The following ECPAS variants were observed in gnomAD, a reference collection of about 807,000 sequenced individuals.
The protein encoded by ECPAS is proteasome adapter and scaffold protein ECM29.
A neutral mutation model predicts 255.1 loss-of-function variants in ECPAS; 70 were observed. That is an observed-to-expected ratio of 0.27 (90% confidence interval 0.23 to 0.33). ECPAS has a LOEUF of 0.33. Among genes scored for constraint, ECPAS ranks in the 10% least tolerant of loss-of-function variants. ECPAS has a pLI of 1.00. For missense variants in ECPAS, 1,817 were observed against 2,206.4 expected (o/e 0.82, Z 3.54); for synonymous variants, 784 against 775.0 (o/e 1.01, Z -0.19).
intron 24 of ECPAS, among the ~76,000 whole-genome samples, chr9:111,399,498 T>A (rs2098172447): frequency 6.6e-6 from 1 of 152,182 alleles, no homozygotes; most frequent in African/African-American, 2.4e-5. Flanking sequence ...GGTCACAGCA[T>A]CAGGCAGAAT....
intron 24 of ECPAS, among the ~76,000 whole-genome samples, chr9:111,398,449 A>G (rs1238615556): frequency 6.6e-6 from 1 of 152,180 alleles, no homozygotes; most frequent in Non-Finnish European, 1.5e-5. Flanking sequence ...ATTGCTGTAA[A>G]TAATCCAGAA....
chr9:111,484,251 C>G lies in ECPAS; in HGVS notation c.-218G>C. 1.3e-6 allele frequency: 2 copies of G among 1,485,266 alleles called. No individual in the cohort carries two copies. Among genetic ancestry groups the G allele is most frequent in the Non-Finnish European group, 1.8e-6 (2 of 1,122,558 alleles). The allele number at this position is 1,485,266 out of a possible 1,614,324, so 92.0% of individuals were successfully genotyped here. ...TCCGTGAGGGGCTGGGCCGAGCGGG[C>G]CCGGGCTGCCCTAGCGGCCGGGGGA... is the stretch of plus-strand genomic sequence containing the variant. On this transcript the variant is annotated 5_prime_UTR_variant, in exon 1 of 50. Coordinates refer to ENST00000684092, the MANE Select transcript of ECPAS (RefSeq NM_001364929.1).
At chr9:111,464,995 C>A (rs2098277682) in intron 2 of ECPAS, among the ~76,000 whole-genome samples, 2 of 151,088 alleles carry the variant, frequency 1.3e-5, no homozygotes, top group Admixed American at 6.6e-5. Flanking sequence ...ACCAGCCTGA[C>A]CAAAATGGAG....
At chr9:111,477,947 CT>C (rs1205326640) in intron 1 of ECPAS, among the ~76,000 whole-genome samples, 1 of 150,178 alleles carries the variant, frequency 6.7e-6, no homozygotes, top group Admixed American at 6.7e-5. Flanking sequence ...GTCACCCAGG[CT>C]AGAGTGCAGT....
Position 111,370,647 on chromosome 9 carries a change from G to C in ECPAS, c.4782-20C>G, listed in dbSNP as rs1317895031. 6.2e-7 allele frequency: 1 copy of C among 1,608,324 alleles called. No homozygotes were observed. Among genetic ancestry groups the C allele is most frequent in the African/African-American group, 1.3e-5 (1 of 74,968 alleles). ...TCTGCACTACAGGGTCCATACAAAAGCATCAGAAGTTAATAAAGGCTGCAG... is the reference window on the plus strand; with the variant it reads ...TCTGCACTACAGGGTCCATACAAAACCATCAGAAGTTAATAAAGGCTGCAG... On this transcript the variant is annotated intron_variant, in intron 44 of 49. Coordinates refer to ENST00000684092, the MANE Select transcript of ECPAS (RefSeq NM_001364929.1).
Position 111,390,083 on chromosome 9 carries a change from G to T in ECPAS, c.3180C>A (p.Tyr1060Ter). ...KTPDGQGLST[Y>*]KELCSLASDL... Reference sequence around the variant, plus strand: ...CACTTGCCAGAGAACAAAGTTCCTTGTAAGTAGAAAGGCCCTGACTTGGAA... The same window carrying T: ...CACTTGCCAGAGAACAAAGTTCCTTTTAAGTAGAAAGGCCCTGACTTGGAA... Residue 1060 changes from tyrosine to a stop codon, truncating the protein, a stop_gained, in exon 30 of 50, where the codon TAC becomes TAA. Transcript: ENST00000684092. LOFTEE classifies it high-confidence loss of function. The T allele has an allele frequency of 6.3e-7, 1 of 1,587,628 alleles. No individual in the cohort carries two copies. Among genetic ancestry groups the T allele is most frequent in the Non-Finnish European group, 8.6e-7 (1 of 1,161,134 alleles).
intron 7 of ECPAS, among the ~76,000 whole-genome samples, chr9:111,435,626 G>C (rs180966332): frequency 6.6e-6 from 1 of 151,880 alleles, no homozygotes; most frequent in Non-Finnish European, 1.5e-5. Context: ...CAAAGTACCC[G>C]GTACGGTGCC....
At chr9:111,453,604 G>C (rs570544389) in intron 2 of ECPAS, among the ~76,000 whole-genome samples, 13 of 152,280 alleles carry the variant, frequency 8.5e-5, no homozygotes, top group Admixed American at 3.3e-4. Context: ...CTTCACAGTA[G>C]AGAAAACTGT....
intron 2 of ECPAS, among the ~76,000 whole-genome samples, chr9:111,466,653 ACAC>A (rs1158565943): frequency 2.7e-5 from 4 of 150,092 alleles, no homozygotes; most frequent in Non-Finnish European, 4.5e-5. Context: ...ACACACACAC[ACAC>A]GTTTTTATTT....
At position 111,368,200 on chromosome 9, in the gene ECPAS, G is replaced by A. The variant is rs753101198; in HGVS notation, c.5113+835C>T. ...ATCCCAAGGTTAAGGCCCTGTCAGG[G>A]GACTCCAAACTAACTGCAACCTCAT... On this transcript the variant is annotated intron_variant, in intron 46 of 49. Transcript: ENST00000684092. 3.3e-4 allele frequency among the ~76,000 whole-genome samples: 50 copies of A among 152,144 alleles called. No homozygotes were observed. The Middle Eastern group carries it at 0.01, about 31-fold the overall frequency.
chr9:111,448,279 T>A (rs1294228755), intron 3 of ECPAS, among the ~76,000 whole-genome samples: 1 of 151,982 alleles, frequency 6.6e-6, no homozygotes, highest in Non-Finnish European at 1.5e-5. Flanking sequence ...TACTAAGAGA[T>A]ACAGACAAAG....
At chr9:111,483,559 G>T in intron 1 of ECPAS, 2 of 506,324 alleles carry the variant, frequency 4.0e-6, no homozygotes, top group Non-Finnish European at 5.1e-6. Flanking sequence ...GCCGGGGAGG[G>T]AACGAGGGAG....
chr9:111,444,992 C>CTTTTT (rs373389870), intron 3 of ECPAS, among the ~76,000 whole-genome samples: 5 of 105,596 alleles, frequency 4.7e-5, no homozygotes, highest in Non-Finnish European at 7.2e-5. Context: ...CTGCTCCTGG[C>CTTTTT]TTTTTTTTTT....
In ECPAS at chr9:111,428,087, G is replaced by C; in HGVS notation, c.1005C>G (p.Leu335=). Residue 335 remains leucine, a synonymous_variant, in exon 10 of 50, where the codon CTC becomes CTG. Coordinates refer to ENST00000684092, the MANE Select transcript of ECPAS (RefSeq NM_001364929.1). The part of the protein sequence containing the change: ...TRVKLKIVPH[L]LRSRQAAETF... ...TTTCAGCAGCTTGTCTAGAGCGGAGGAGATGGGGGACAATCTTTAACTTGA... is the reference window on the plus strand; with the variant it reads ...TTTCAGCAGCTTGTCTAGAGCGGAGCAGATGGGGGACAATCTTTAACTTGA... 4.3e-6 allele frequency: 7 copies of C among 1,613,566 alleles called. No individual in the cohort carries two copies. Among genetic ancestry groups the C allele is most frequent in the Non-Finnish European group, 5.1e-6 (6 of 1,179,698 alleles).
chr9:111,410,590 C>T (rs1029754180), intron 22 of ECPAS, among the ~76,000 whole-genome samples: 1 of 152,154 alleles, frequency 6.6e-6, no homozygotes, highest in Non-Finnish European at 1.5e-5. Flanking sequence ...GATCACAGCT[C>T]ACCGCAGCCT....
Position 111,437,120 on chromosome 9 carries a change from A to ATAAC in ECPAS, c.540-16_540-13dup. 6.3e-7 allele frequency: 1 copy of ATAAC among 1,589,022 alleles called. No individual in the cohort carries two copies. Among genetic ancestry groups the ATAAC allele is most frequent in the East Asian group, 2.3e-5 (1 of 44,216 alleles). On this transcript the variant is annotated splice_polypyrimidine_tract_variant and intron_variant, in intron 6 of 49. Coordinates refer to ENST00000684092, the MANE Select transcript of ECPAS (RefSeq NM_001364929.1). ...CATTTAACACGTAACTGGAAAGGAAATAACACTTTAACCCTCTATAAATAC... is the reference window on the plus strand; with the variant it reads ...CATTTAACACGTAACTGGAAAGGAAATAACTAACACTTTAACCCTCTATAAATAC...
At position 111,425,930 on chromosome 9, in the gene ECPAS, T is replaced by C. The variant is rs531126007; in HGVS notation, c.1051-102A>G. On this transcript the variant is annotated intron_variant, in intron 10 of 49. Transcript: ENST00000684092. ...AGCAGCAGACCTTTCATACTACATCTCGTTCTTCAACATTAATGCAGATAC... is the reference window on the plus strand; with the variant it reads ...AGCAGCAGACCTTTCATACTACATCCCGTTCTTCAACATTAATGCAGATAC... The C allele has an allele frequency of 5.1e-6, 3 of 587,352 alleles. No homozygotes were observed. In the East Asian group the frequency reaches 8.7e-5, roughly 17 times the overall value. The allele number at this position is 587,352 out of a possible 1,614,324, so 36.4% of individuals were successfully genotyped here.
Position 111,412,022 on chromosome 9 carries a change from C to T in ECPAS, c.2206G>A (p.Asp736Asn). Residue 736 changes from aspartate (D) to asparagine (N), a missense_variant, in exon 21 of 50, where the codon GAC (aspartate) becomes AAC (asparagine). This residue lies in a region of ECPAS where 194 missense variants were observed against 152.8 expected (regional missense o/e 1.27). Transcript: ENST00000684092. The part of the protein sequence containing the change: ...MIEQLIKTTK[D>N]NHSPEIQHGS... ...AAAACAAAATAACATACGTGATTGT[C>T]TTTTGTAGTCTTTATAAGCTGTTCT... 6.4e-7 allele frequency: 1 copy of T among 1,557,538 alleles called. No homozygotes were observed. Among genetic ancestry groups the T allele is most frequent in the Non-Finnish European group, 8.6e-7 (1 of 1,161,710 alleles).
chr9:111,398,464 AG>A (rs1043970577), intron 24 of ECPAS, among the ~76,000 whole-genome samples: 11 of 152,200 alleles, frequency 7.2e-5, no homozygotes, highest in African/African-American at 2.7e-4. Flanking sequence ...CCAGAAATAA[AG>A]GGGGGTTCAA....
Sources: allele counts gnomAD v4.1 joint callset (sites outside exome capture counted in the v4.1 genomes callset), GRCh38; gene constraint gnomAD v4.1.1; regional missense constraint gnomAD v4.1.1; transcripts MANE v1.5; gene names NCBI Gene and HGNC (gene_info 2026-07-23, HGNC 2026-07-21).